Variants in DNAH14 observed in about 807,000 individuals in gnomAD.
DNAH14 encodes the protein dynein axonemal heavy chain 14.
Under a neutral mutation model 520.9 loss-of-function variants are expected in DNAH14, and 478 were observed. The observed-to-expected ratio is 0.92, with a 90% CI of 0.85 to 0.99. The LOEUF is 0.99. Among genes scored for constraint, DNAH14 ranks in the 50% least tolerant of loss-of-function variants. The pLI is 0.00. For synonymous variants in DNAH14, 1,581 were observed against 1,757.2 expected, an observed-to-expected ratio of 0.90 and a Z score of 2.51; for missense variants, 4,831 against 5,234.5, an observed-to-expected ratio of 0.92 and a Z score of 2.38.
chr1:225,170,382 G>T (rs571582757), intron 36 of DNAH14, among the ~76,000 whole-genome samples: 56 of 152,180 alleles, frequency 3.7e-4, no homozygotes, highest in Non-Finnish European at 7.6e-4. Flanking sequence ...CCCATCTCAC[G>T]TGCAGAGACA....
At chr1:225,033,145 C>A (rs1334904764) in intron 11 of DNAH14, among the ~76,000 whole-genome samples, 1 of 152,202 alleles carries the variant, frequency 6.6e-6, no homozygotes, top group South Asian at 2.1e-4. Context: ...ATCATTAAAT[C>A]TTTGCCCATT....
At chr1:224,985,899 A>C (rs1163926143) in intron 8 of DNAH14, among the ~76,000 whole-genome samples, 5 of 152,090 alleles carry the variant, frequency 3.3e-5, no homozygotes, top group African/African-American at 4.8e-5. Context: ...CATGCCTACA[A>C]GATCTAGAAA....
intron 63 of DNAH14, 87 bp downstream of exon 63, chr1:225,324,440 TGAAC>T: frequency 1.4e-6 from 2 of 1,474,526 alleles, no homozygotes; most frequent in Non-Finnish European, 1.8e-6. Flanking sequence ...AATACTCAAA[TGAAC>T]TTGAGTGGAA....
At chr1:225,107,104 C>A (rs2076125375) in intron 23 of DNAH14, among the ~76,000 whole-genome samples, 1 of 152,138 alleles carries the variant, frequency 6.6e-6, no homozygotes, top group Admixed American at 6.5e-5. Context: ...CAGTCAGGAC[C>A]CTCAGCTGCA....
Position 225,189,306 on chromosome 1 carries a change from G to A in DNAH14, c.5671-3390G>A, listed in dbSNP as rs1300014377. ...GATTTTTGCATATATATCCTTAAGG[G>A]TTATTGGTCTGTAGTTTCCTTTTCT... On this transcript the variant is annotated intron_variant, in intron 37 of 85. Transcript: ENST00000682510. Among the ~76,000 whole-genome samples the A allele has an allele frequency of 5.3e-5, 8 of 151,634 alleles. No individual in the cohort carries two copies. The Admixed American group carries it at 5.3e-4, about 10-fold the overall frequency.
rs187207152 is a variant in DNAH14 at position 225,010,834 on chromosome 1, G to A, written c.1107+3290G>A. Among the ~76,000 whole-genome samples, 186 of 152,190 alleles carry A rather than the reference G, an allele frequency of 1.2e-3. 2 individuals are homozygous for A. Among genetic ancestry groups the A allele is most frequent in the Middle Eastern group, 6.8e-3 (2 of 294 alleles). The stretch of plus-strand genomic sequence containing the variant: ...CTGGTTTAGTCTTGGGAAGCTGTAT[G>A]TGTCCAGGAATTTATCCATTTCCTC... On this transcript the variant is annotated intron_variant, in intron 10 of 85. Transcript: ENST00000682510.
intron 21 of DNAH14, among the ~76,000 whole-genome samples, chr1:225,089,552 A>G (rs1430963946): frequency 2.0e-5 from 3 of 151,984 alleles, no homozygotes; most frequent in Admixed American, 6.6e-5. Flanking sequence ...AGAAATCAAT[A>G]GCCCTCTTAA....
chr1:225,096,870 C>T (rs983935762), intron 21 of DNAH14, among the ~76,000 whole-genome samples: 3 of 152,016 alleles, frequency 2.0e-5, no homozygotes, highest in Non-Finnish European at 4.4e-5. Flanking sequence ...ATGTGTGTTA[C>T]TCAAATCTTT....
At chr1:225,058,266 T>C (rs1169501250) in intron 17 of DNAH14, among the ~76,000 whole-genome samples, 1 of 152,212 alleles carries the variant, frequency 6.6e-6, no homozygotes, top group Non-Finnish European at 1.5e-5. Context: ...TGGGAGGGTG[T>C]GTGTGTCAAG....
At position 224,967,543 on chromosome 1, in the gene DNAH14, G is replaced by C; in HGVS notation, c.611G>C (p.Cys204Ser). The change falls in exon 6 of 86, where the codon TGC becomes TCC. Residue 204 changes from cysteine to serine, a missense_variant. Transcript: ENST00000682510. ...QVVSAHTAKH[C>S]KEFWVITASF... ...GTATCGGCTCATACTGCTAAACATT[G>C]CAAAGAATTTTGGGTTATTACTGCT... 6.2e-7 allele frequency: 1 copy of C among 1,603,042 alleles called. No individual in the cohort carries two copies. The highest frequency in any genetic ancestry group is 1.7e-4 in the Middle Eastern group (1 of 6,014).
intron 38 of DNAH14, among the ~76,000 whole-genome samples, chr1:225,193,479 TG>T (rs1193923049): frequency 4.6e-5 from 7 of 152,200 alleles, no homozygotes; most frequent in Admixed American, 3.9e-4. Flanking sequence ...CACTTAAGCC[TG>T]GCAGTTCAAG....
intron 79 of DNAH14, among the ~76,000 whole-genome samples, chr1:225,378,813 G>C (rs547848417): frequency 9.4e-4 from 142 of 151,388 alleles, no homozygotes; most frequent in African/African-American, 3.3e-3. Context: ...CCGGGAGGGG[G>C]AGGTTGCAGT....
intron 17 of DNAH14, among the ~76,000 whole-genome samples, chr1:225,055,041 C>T (rs2068895717): frequency 6.6e-6 from 1 of 151,182 alleles, no homozygotes; most frequent in African/African-American, 2.4e-5. Context: ...TCTTAAGTGA[C>T]CTCCCTCTTT....
chr1:225,033,650 T>C (rs1383095022), intron 11 of DNAH14, among the ~76,000 whole-genome samples: 1 of 152,208 alleles, frequency 6.6e-6, no homozygotes, highest in Non-Finnish European at 1.5e-5. Flanking sequence ...TAGCATTGAA[T>C]CTGTAAATTG....
At chr1:225,304,691 T>C (rs1392123634) in intron 57 of DNAH14, among the ~76,000 whole-genome samples, 2 of 152,004 alleles carry the variant, frequency 1.3e-5, no homozygotes, top group African/African-American at 2.4e-5. Flanking sequence ...GAAGAATGAG[T>C]GTGGCATGCC....
Position 225,338,051 on chromosome 1 carries a change from G to T in DNAH14, c.10312-10G>T. 4.0e-6 allele frequency: 6 copies of T among 1,502,952 alleles called. No homozygotes were observed. Among genetic ancestry groups the T allele is most frequent in the East Asian group, 2.5e-5 (1 of 40,250 alleles). The allele number at this position is 1,502,952 out of a possible 1,614,324, so 93.1% of individuals were successfully genotyped here. On this transcript the variant is annotated splice_polypyrimidine_tract_variant and intron_variant, in intron 67 of 85. Transcript: ENST00000682510. ...TGATTTTTCTTATTTTTGTCTATTG[G>T]GTTTTTCAGAATCTCCTTGAGACAT...
In DNAH14 at chr1:225,252,430, A is replaced by T; in HGVS notation, c.6865+13A>T. 2.2e-6 allele frequency: 3 copies of T among 1,342,286 alleles called. No individual in the cohort carries two copies. The highest frequency in any genetic ancestry group is 3.1e-6 in the Non-Finnish European group (3 of 959,402). 83.1% of individuals were successfully genotyped at this position (1,342,286 alleles called of 1,614,324 possible). On this transcript the variant is annotated intron_variant, in intron 44 of 85. Coordinates refer to ENST00000682510, the MANE Select transcript of DNAH14 (RefSeq NM_001367479.1). ...CTAATTCAAAGAGGTAAGAATAATT[A>T]TAAGAATCATACTTGTAACGTTAGA...
chr1:225,310,393 A>G (rs1446504675), intron 60 of DNAH14, among the ~76,000 whole-genome samples: 5 of 152,226 alleles, frequency 3.3e-5, no homozygotes. Flanking sequence ...GCTGACAATT[A>G]TCACAAACAT....
At chr1:224,943,936 AAGTGC>A (rs1391157069) in intron 1 of DNAH14, among the ~76,000 whole-genome samples, 3 of 152,140 alleles carry the variant, frequency 2.0e-5, no homozygotes, top group African/African-American at 7.2e-5. Flanking sequence ...ATTTTTGAAT[AAGTGC>A]GGTGTGGTGC....
Sources: gnomAD v4.1 joint callset for allele counts (sites outside exome capture counted in the v4.1 genomes callset) on GRCh38, gnomAD v4.1.1 for gene constraint, MANE v1.5 for transcripts, NCBI Gene and HGNC (gene_info 2026-07-23, HGNC 2026-07-21) for gene names.